Variants in ZFAND3 observed in about 807,000 individuals in gnomAD.
ZFAND3 encodes the protein AN1-type zinc finger protein 3.
Under a neutral mutation model 29.6 loss-of-function variants are expected in ZFAND3, and 10 were observed. That is an observed-to-expected ratio of 0.34 (90% CI 0.21 to 0.57). The LOEUF is 0.57. Among genes scored for constraint, ZFAND3 ranks in the 20% least tolerant of loss-of-function variants. The probability of loss-of-function intolerance (pLI) is 0.86; values close to 1 mark genes in which losing one functional copy is unlikely to be tolerated. For missense variants in ZFAND3, 230 were observed against 304.5 expected, an observed-to-expected ratio of 0.76 and a Z score of 1.82; for synonymous variants, 128 against 112.6, an observed-to-expected ratio of 1.14 and a Z score of -0.87.
rs533291372 is a variant in ZFAND3 at position 38,107,775 on chromosome 6, G to A, written c.362-8797G>A. 2.6e-5 allele frequency among the ~76,000 whole-genome samples: 4 copies of A among 152,310 alleles called. No individual in the cohort carries two copies. The East Asian group carries it at 7.7e-4, about 29-fold the overall frequency. On this transcript the variant is annotated intron_variant, in intron 4 of 5. Coordinates refer to ENST00000287218, the MANE Select transcript of ZFAND3 (RefSeq NM_021943.3). ...TTGAGCCCAGGAGGTTAAGGCTGCA[G>A]TGAGCCATGATTGTGCCACTGCACT...
At chr6:37,997,254 G>A (rs1762866606) in intron 2 of ZFAND3, among the ~76,000 whole-genome samples, 1 of 152,136 alleles carries the variant, frequency 6.6e-6, no homozygotes, top group Non-Finnish European at 1.5e-5. Context: ...TAAATTAGAA[G>A]TGCTTTAACG....
At chr6:37,869,584 C>T (rs1764654039) in intron 1 of ZFAND3, among the ~76,000 whole-genome samples, 1 of 151,176 alleles carries the variant, frequency 6.6e-6, no homozygotes, top group Non-Finnish European at 1.5e-5. Context: ...TCATAGCTCA[C>T]TGTAACCTCC....
chr6:37,929,285 T>G (rs1027350814), intron 1 of ZFAND3, among the ~76,000 whole-genome samples: 5 of 152,220 alleles, frequency 3.3e-5, no homozygotes. Context: ...CAAAACAATA[T>G]GGTAATACCC....
chr6:37,933,782 T>C (rs1413763425), intron 2 of ZFAND3, among the ~76,000 whole-genome samples: 3 of 152,184 alleles, frequency 2.0e-5, no homozygotes, highest in Non-Finnish European at 4.4e-5. Flanking sequence ...TGTTTGTTTT[T>C]TAAACTTTTT....
chr6:37,936,330 A>C (rs967517822), intron 2 of ZFAND3, among the ~76,000 whole-genome samples: 1 of 152,198 alleles, frequency 6.6e-6, no homozygotes, highest in African/African-American at 2.4e-5. Context: ...TGGTGACTAG[A>C]AAGTAGCTAT....
intron 4 of ZFAND3, among the ~76,000 whole-genome samples, chr6:38,100,108 G>A (rs1336030467): frequency 2.0e-5 from 3 of 151,684 alleles, no homozygotes; most frequent in Non-Finnish European, 4.4e-5. Context: ...CCAGTCACCA[G>A]GCTGGAGTGT....
intron 1 of ZFAND3, among the ~76,000 whole-genome samples, chr6:37,820,960 A>G (rs905974954): frequency 1.3e-5 from 2 of 152,248 alleles, no homozygotes; most frequent in Non-Finnish European, 2.9e-5. Flanking sequence ...GTTCTGCAGT[A>G]AGAAAGCTGG....
Position 38,061,579 on chromosome 6 carries a change from C to G in ZFAND3, c.113-14C>G, listed in dbSNP as rs1231978783. 6.2e-7 allele frequency: 1 copy of G among 1,613,850 alleles called. No individual in the cohort carries two copies. The highest frequency in any genetic ancestry group is 1.1e-5 in the South Asian group (1 of 91,078). ...TGAACTCCTTAATTAAGCTCGTTTT[C>G]TATTTTTCTTCAGATTTTCAAAAGA... On this transcript the variant is annotated splice_polypyrimidine_tract_variant and intron_variant, in intron 2 of 5. Coordinates refer to ENST00000287218, the MANE Select transcript of ZFAND3 (RefSeq NM_021943.3).
At chr6:38,008,396 A>G (rs1473424587) in intron 2 of ZFAND3, among the ~76,000 whole-genome samples, 1 of 152,210 alleles carries the variant, frequency 6.6e-6, no homozygotes, top group Non-Finnish European at 1.5e-5. Flanking sequence ...AAACTCACAA[A>G]TAGAGGAACA....
intron 2 of ZFAND3, among the ~76,000 whole-genome samples, chr6:38,005,248 A>G (rs1023945226): frequency 1.3e-5 from 2 of 151,992 alleles, no homozygotes; most frequent in Non-Finnish European, 2.9e-5. Flanking sequence ...CTATATCTCT[A>G]CTCTCACTCT....
At chr6:37,969,769 T>TC (rs779256207) in intron 2 of ZFAND3, among the ~76,000 whole-genome samples, 9 of 152,206 alleles carry the variant, frequency 5.9e-5, no homozygotes, top group Non-Finnish European at 1.2e-4. Context: ...AATTTTTTTT[T>TC]CTCTGTTCCC....
chr6:37,895,524 T>G (rs12196747), intron 1 of ZFAND3, among the ~76,000 whole-genome samples: 3 of 147,636 alleles, frequency 2.0e-5, no homozygotes, highest in Admixed American at 6.8e-5. Context: ...TTTCTTTTTT[T>G]TTTTTGATTT....
chr6:37,855,927 A>G (rs190280095), intron 1 of ZFAND3, among the ~76,000 whole-genome samples: 1 of 152,254 alleles, frequency 6.6e-6, no homozygotes, highest in Admixed American at 6.5e-5. Context: ...CGTTGCATAC[A>G]AGGGTGATCT....
chr6:38,062,377 T>G (rs972956971), intron 3 of ZFAND3: 1 of 152,094 alleles, frequency 6.6e-6, no homozygotes, highest in East Asian at 1.9e-4. Context: ...AGAAGTTCAC[T>G]GTCTACTTAA....
At chr6:37,958,791 T>C (rs1292721596) in intron 2 of ZFAND3, among the ~76,000 whole-genome samples, 5 of 151,758 alleles carry the variant, frequency 3.3e-5, no homozygotes, top group Non-Finnish European at 7.4e-5. Flanking sequence ...ACATTGCTTG[T>C]ATTTTACAAT....
At chr6:38,031,005 G>A (rs538448079) in intron 2 of ZFAND3, among the ~76,000 whole-genome samples, 1 of 152,312 alleles carries the variant, frequency 6.6e-6, no homozygotes, top group Admixed American at 6.5e-5. Context: ...GTTCTAAGTT[G>A]TACCTGAGAT....
chr6:38,079,366 C>T (rs16890344), intron 3 of ZFAND3, among the ~76,000 whole-genome samples: 50,531 of 151,992 alleles, frequency 0.33, 8,747 homozygotes, highest in Non-Finnish European at 0.38. Context: ...AACAAGCTCT[C>T]TGGAGAACAC....
intron 1 of ZFAND3, among the ~76,000 whole-genome samples, chr6:37,872,763 T>C (rs1764716890): frequency 6.6e-6 from 1 of 152,258 alleles, no homozygotes; most frequent in Non-Finnish European, 1.5e-5. Context: ...GTGATTAGTT[T>C]ATCCCTTCTA....
At chr6:37,907,775 A>G (rs1245375357) in intron 1 of ZFAND3, among the ~76,000 whole-genome samples, 1 of 152,202 alleles carries the variant, frequency 6.6e-6, no homozygotes, top group Non-Finnish European at 1.5e-5. Context: ...TAGTATAGCA[A>G]ACACCTATTT....
Sources: gnomAD v4.1 joint callset for allele counts (sites outside exome capture counted in the v4.1 genomes callset) on GRCh38, gnomAD v4.1.1 for gene constraint, MANE v1.5 for transcripts, NCBI Gene and HGNC (gene_info 2026-07-23, HGNC 2026-07-21) for gene names.